The following SSPN variants were observed in gnomAD, a reference collection of about 807,000 sequenced individuals.
SSPN encodes sarcospan.
Under a neutral mutation model 19.1 loss-of-function variants are expected in SSPN, and 15 were observed. That is an observed-to-expected ratio of 0.78 (90% CI 0.52 to 1.21). SSPN has a LOEUF of 1.21. Among genes scored for constraint, SSPN ranks in the 50% most tolerant of loss-of-function variants. The pLI is 0.00. For missense variants in SSPN, 291 were observed against 314.0 expected (o/e 0.93, Z 0.55); for synonymous variants, 147 against 140.3 (o/e 1.05, Z -0.34).
At chr12:26,181,451 A>G (rs772657561) in intron 1 of SSPN, among the ~76,000 whole-genome samples, 21 of 152,222 alleles carry the variant, frequency 1.4e-4, no homozygotes, top group Non-Finnish European at 2.8e-4. Context: ...TCTTATTTTT[A>G]AGAACATGTA....
At chr12:26,122,610 G>C (rs1190244749) in intron 1 of SSPN, 1 of 1,135,024 alleles carries the variant, frequency 8.8e-7, no homozygotes, top group East Asian at 4.6e-5. Flanking sequence ...CAGAAGCGCG[G>C]CTGCCGCCGC....
intron 1 of SSPN, 98 bp from the exon 2 acceptor site, chr12:26,224,195 A>G (rs1055385074): frequency 6.0e-6 from 5 of 835,680 alleles, no homozygotes; most frequent in Non-Finnish European, 1.0e-5. Context: ...GGACAGCTTT[A>G]TAACATGGAT....
At chr12:26,185,615 G>C (rs983800032) in intron 1 of SSPN, among the ~76,000 whole-genome samples, 2 of 152,180 alleles carry the variant, frequency 1.3e-5, no homozygotes, top group African/African-American at 2.4e-5. Context: ...GTGAAAAGTT[G>C]AGGTCAGTCT....
At chr12:26,151,065 A>T (rs940649170) in intron 1 of SSPN, among the ~76,000 whole-genome samples, 8 of 152,236 alleles carry the variant, frequency 5.3e-5, no homozygotes, top group Middle Eastern at 6.8e-3. Context: ...GGAATGGCAC[A>T]TTTTGGTGGG....
chr12:26,173,285 G>A (rs771206279), intron 1 of SSPN, among the ~76,000 whole-genome samples: 5 of 152,132 alleles, frequency 3.3e-5, no homozygotes, highest in Non-Finnish European at 5.9e-5. Flanking sequence ...TAAGGGTGTC[G>A]TTCTGCATTT....
At chr12:26,220,640 C>G (rs7138067) in intron 1 of SSPN, among the ~76,000 whole-genome samples, 1,736 of 152,274 alleles carry the variant, frequency 0.011, 28 homozygotes, top group African/African-American at 0.039. Context: ...AAATCCTTGT[C>G]TCCAACCCAG....
At chr12:26,147,354 C>A (rs1944498854) in intron 1 of SSPN, among the ~76,000 whole-genome samples, 1 of 150,892 alleles carries the variant, frequency 6.6e-6, no homozygotes, top group Admixed American at 6.6e-5. Context: ...CTCACTGCAA[C>A]CTCCGCCTCC....
intron 1 of SSPN, among the ~76,000 whole-genome samples, chr12:26,212,998 C>T (rs2137484033): frequency 6.6e-6 from 1 of 151,768 alleles, no homozygotes; most frequent in Admixed American, 6.6e-5. Context: ...TATATTTGCG[C>T]CCCTATTACT....
chr12:26,183,112 C>G (rs1379496035), intron 1 of SSPN, among the ~76,000 whole-genome samples: 1 of 152,072 alleles, frequency 6.6e-6, no homozygotes, highest in Non-Finnish European at 1.5e-5. Context: ...ATATGCCAAC[C>G]CTCTTCCTGA....
At chr12:26,207,922 C>T (rs540238819) in intron 1 of SSPN, among the ~76,000 whole-genome samples, 1 of 151,680 alleles carries the variant, frequency 6.6e-6, no homozygotes, top group South Asian at 2.1e-4. Flanking sequence ...ATCATTTGAA[C>T]CTGGGAGGTT....
intron 1 of SSPN, among the ~76,000 whole-genome samples, chr12:26,144,681 T>C (rs1003481319): frequency 2.6e-5 from 4 of 151,134 alleles, no homozygotes; most frequent in African/African-American, 9.7e-5. Context: ...AGCTCCAAGA[T>C]AGTAGGAACT....
Position 26,231,208 on chromosome 12 carries a change from A to AT in SSPN, c.*137dup. On this transcript the variant is annotated 3_prime_UTR_variant, in exon 3 of 3. Transcript: ENST00000242729. ...CACTCTTCTAATTGAATATTTTTAT[A>AT]TTTTTATGAAACAAAAGAGCATTTC... 7.9e-7 allele frequency: 1 copy of AT among 1,267,380 alleles called. No individual in the cohort carries two copies. 78.5% of individuals were successfully genotyped at this position (1,267,380 alleles called of 1,614,324 possible).
At chr12:26,136,505 A>T (rs369683374) in intron 1 of SSPN, among the ~76,000 whole-genome samples, 37 of 152,338 alleles carry the variant, frequency 2.4e-4, no homozygotes, top group African/African-American at 8.7e-4. Context: ...TGTCCATGAC[A>T]ATGCGCAGAG....
intron 1 of SSPN, chr12:26,125,997 G>A (rs1179063966): frequency 6.6e-6 from 1 of 151,950 alleles, no homozygotes. Context: ...ACTACCGCTG[G>A]CACCTCCAAA....
chr12:26,210,348 C>A (rs1368113729), intron 1 of SSPN, among the ~76,000 whole-genome samples: 1 of 151,952 alleles, frequency 6.6e-6, no homozygotes, highest in African/African-American at 2.4e-5. Context: ...TAGAATCAAA[C>A]CACTGTTTAA....
At chr12:26,212,914 G>A (rs1945005978) in intron 1 of SSPN, among the ~76,000 whole-genome samples, 1 of 151,680 alleles carries the variant, frequency 6.6e-6, no homozygotes, top group South Asian at 2.1e-4. Context: ...GTCCACTAAT[G>A]TTAGTGTTTA....
chr12:26,191,433 A>G (rs552879171), upstream of SSPN, among the ~76,000 whole-genome samples: 1 of 152,268 alleles, frequency 6.6e-6, no homozygotes, highest in South Asian at 2.1e-4. Flanking sequence ...AGCCTGTGCA[A>G]CATAGTGAGA....
At chr12:26,194,380 C>A (rs1162298895), upstream of SSPN, among the ~76,000 whole-genome samples, 3 of 152,198 alleles carry the variant, frequency 2.0e-5, no homozygotes, top group African/African-American at 7.2e-5. Context: ...CCCCTAAGCA[C>A]TGTTGTGGAG....
At chr12:26,129,583 A>G (rs991515348) in intron 1 of SSPN, among the ~76,000 whole-genome samples, 6 of 152,244 alleles carry the variant, frequency 3.9e-5, no homozygotes, top group African/African-American at 1.2e-4. Flanking sequence ...TTTAAATGCC[A>G]GAATAGAAGA....
Sources: gnomAD v4.1 joint callset for allele counts (sites outside exome capture counted in the v4.1 genomes callset) on GRCh38, gnomAD v4.1.1 for gene constraint, MANE v1.5 for transcripts, NCBI Gene and HGNC (gene_info 2026-07-23, HGNC 2026-07-21) for gene names.